The following COX7A2L variants were observed in gnomAD, a reference collection of about 807,000 sequenced individuals.
The protein encoded by COX7A2L is cytochrome c oxidase subunit 7A2-like, mitochondrial.
A neutral mutation model predicts 14.2 loss-of-function variants in COX7A2L; 18 were observed. That is an observed-to-expected ratio of 1.27 (90% CI 0.88 to 1.88). The LOEUF (loss-of-function observed/expected upper bound fraction) is 1.88, where lower values mean the gene tolerates loss of function less well. COX7A2L is among the 40% of genes most tolerant of loss of function. The pLI is 0.00. For synonymous variants in COX7A2L, 65 were observed against 57.4 expected, an observed-to-expected ratio of 1.13 and a Z score of -0.60; for missense variants, 179 against 138.8, an observed-to-expected ratio of 1.29 and a Z score of -1.46.
chr2:42,350,555 T>C lies in COX7A2L; in HGVS notation c.*664A>G, dbSNP rs1388967910. The C allele has an allele frequency of 2.6e-5, 4 of 152,138 alleles. No individual in the cohort carries two copies. The highest frequency in any genetic ancestry group is 2.1e-4 in the South Asian group (1 of 4,832). The allele number at this position is 152,138 out of a possible 1,614,324, so 9.4% of individuals were successfully genotyped here. On this transcript the variant is annotated 3_prime_UTR_variant, in exon 3 of 3. Transcript: ENST00000234301. ...CAAAATAAATCAAAATTTAAAGCTA[T>C]AACATTTTTAAAAGATAAAGGAGAA...
chr2:42,353,472 C>T, intron 1 of COX7A2L, 129 bp from the exon 2 acceptor site: 3 of 1,235,286 alleles, frequency 2.4e-6, no homozygotes, highest in South Asian at 1.4e-5. Flanking sequence ...CAAACCCTGT[C>T]AAGAACCCCT....
chr2:42,354,576 C>A (rs1210352191), intron 1 of COX7A2L, among the ~76,000 whole-genome samples: 1 of 152,126 alleles, frequency 6.6e-6, no homozygotes, highest in Non-Finnish European at 1.5e-5. Context: ...ATTGACAGGG[C>A]ATATTATAAA....
At chr2:42,347,790 G>A (rs149958214), downstream of COX7A2L, among the ~76,000 whole-genome samples, 1,048 of 152,256 alleles carry the variant, frequency 6.9e-3, 10 homozygotes, top group Non-Finnish European at 1.0e-2. Context: ...GTATGGTGGC[G>A]CATGCCAGTA....
upstream of COX7A2L, chr2:42,361,440 A>C: frequency 2.8e-6 from 1 of 356,050 alleles, no homozygotes; most frequent in East Asian, 6.3e-5. Flanking sequence ...TCTTTCCCCC[A>C]TTCAGATTTG....
Position 42,351,319 on chromosome 2 carries a change from G to C in COX7A2L, c.245C>G (p.Pro82Arg), listed in dbSNP as rs1670638130. ...GVPVYLKRGLPDQMLYRTTMA... is the reference protein window; with the variant it reads ...GVPVYLKRGLRDQMLYRTTMA... ...GGTGGTCCGGTAAAGCATTTGGTCA[G>C]GCAGGCCTCGTTTCAGGTAGACGGG... Residue 82 changes from proline (P) to arginine (R), a missense_variant, in exon 3 of 3, where the codon CCT (proline) becomes CGT (arginine). Coordinates refer to ENST00000234301, the MANE Select transcript of COX7A2L (RefSeq NM_004718.4). 6 of 1,614,128 alleles carry C rather than the reference G, an allele frequency of 3.7e-6. No homozygotes were observed. Among genetic ancestry groups the C allele is most frequent in the Non-Finnish European group, 5.1e-6 (6 of 1,180,028 alleles).
chr2:42,362,537 G>T (rs1645775500), upstream of COX7A2L, among the ~76,000 whole-genome samples: 1 of 152,190 alleles, frequency 6.6e-6, no homozygotes, highest in Non-Finnish European at 1.5e-5. Context: ...GGGATAAGTG[G>T]CAGAGCTAGG....
chr2:42,350,177 C>T lies in COX7A2L; in HGVS notation c.*1042G>A, dbSNP rs1283103084. 3 of 152,076 alleles carry T rather than the reference C, an allele frequency of 2.0e-5. No individual in the cohort carries two copies. The highest frequency in any genetic ancestry group is 7.2e-5 in the African/African-American group (3 of 41,396). The allele number at this position is 152,076 out of a possible 1,614,324, so 9.4% of individuals were successfully genotyped here. A position where few individuals can be genotyped will look rare whatever the true frequency, so the allele number is the denominator to read the frequency against. ...GTGCTATGGTAAGATACAAACTATTCCTTCATATATAATAAAATTCCACCT... is the reference window on the plus strand; with the variant it reads ...GTGCTATGGTAAGATACAAACTATTTCTTCATATATAATAAAATTCCACCT... On this transcript the variant is annotated 3_prime_UTR_variant, in exon 3 of 3. Coordinates refer to ENST00000234301, the MANE Select transcript of COX7A2L (RefSeq NM_004718.4).
At chr2:42,357,421 G>A (rs1023067711) in intron 1 of COX7A2L, among the ~76,000 whole-genome samples, 4 of 152,044 alleles carry the variant, frequency 2.6e-5, no homozygotes, top group Admixed American at 1.3e-4. Context: ...TGATCCTTCC[G>A]CGTCAGCCTC....
intron 1 of COX7A2L, among the ~76,000 whole-genome samples, chr2:42,353,873 A>T (rs1670730418): frequency 6.6e-6 from 1 of 152,254 alleles, no homozygotes; most frequent in South Asian, 2.1e-4. Context: ...AAATAAACAC[A>T]TAAATTGAAA....
downstream of COX7A2L, among the ~76,000 whole-genome samples, chr2:42,349,014 T>C (rs971052094): frequency 1.3e-5 from 2 of 152,068 alleles, no homozygotes; most frequent in Non-Finnish European, 2.9e-5. Context: ...CATGTGCTGG[T>C]GAGAATGTTA....
chr2:42,353,097 C>T, intron 2 of COX7A2L, 115 bp downstream of exon 2: 1 of 1,285,498 alleles, frequency 7.8e-7, no homozygotes, highest in Non-Finnish European at 1.1e-6. Context: ...GAGAATACTA[C>T]TTAAAGAAAA....
chr2:42,355,889 C>G (rs973901225), intron 1 of COX7A2L, among the ~76,000 whole-genome samples: 3 of 151,964 alleles, frequency 2.0e-5, no homozygotes, highest in African/African-American at 7.3e-5. Context: ...CCACGCCCAG[C>G]TAATTTTTGT....
downstream of COX7A2L, among the ~76,000 whole-genome samples, chr2:42,347,820 C>G (rs1223204313): frequency 6.6e-6 from 1 of 152,168 alleles, no homozygotes; most frequent in Non-Finnish European, 1.5e-5. Flanking sequence ...ACTCGGGAGG[C>G]TGAGGCAGGA....
chr2:42,354,889 T>C (rs1264927667), intron 1 of COX7A2L, among the ~76,000 whole-genome samples: 2 of 152,266 alleles, frequency 1.3e-5, no homozygotes, highest in Admixed American at 6.5e-5. Context: ...GTCAGTATCA[T>C]GTCAAACATT....
In COX7A2L at chr2:42,354,011, C is replaced by T. The variant is rs372403842; in HGVS notation, c.73-668G>A. ...GTCCCAAAGACCACATACTGTATGA[C>T]GCCATTCACAGCAAAGTCAGAAGAG... On this transcript the variant is annotated intron_variant, in intron 1 of 2. Transcript: ENST00000234301. Among the ~76,000 whole-genome samples, 11 of 152,200 alleles carry T rather than the reference C, an allele frequency of 7.2e-5. No homozygotes were observed. In the South Asian group the frequency reaches 2.3e-3, roughly 32 times the overall value.
At chr2:42,340,740 CCT>C (rs891184457) in intron 2 of COX7A2L, among the ~76,000 whole-genome samples, 4 of 152,194 alleles carry the variant, frequency 2.6e-5, no homozygotes, top group Non-Finnish European at 5.9e-5. Flanking sequence ...TGCCATTCCT[CCT>C]CTCACCTTCC....
chr2:42,340,451 C>G (rs1047432436), intron 2 of COX7A2L, among the ~76,000 whole-genome samples: 3 of 152,150 alleles, frequency 2.0e-5, no homozygotes, highest in Admixed American at 6.5e-5. Context: ...AGAAGCAAAC[C>G]AAAACAAAAA....
intron 2 of COX7A2L, among the ~76,000 whole-genome samples, chr2:42,336,691 C>T (rs1242767013): frequency 2.0e-5 from 3 of 152,166 alleles, no homozygotes; most frequent in Admixed American, 6.5e-5. Context: ...GAGCCGTCAC[C>T]GTAGAGCTCT....
At chr2:42,360,802 C>A in intron 1 of COX7A2L, 1 of 446,476 alleles carries the variant, frequency 2.2e-6, no homozygotes. Context: ...TGGGGACCCC[C>A]ACAAACCATC....
Sources: gnomAD v4.1 joint callset for allele counts (sites outside exome capture counted in the v4.1 genomes callset) on GRCh38, gnomAD v4.1.1 for gene constraint, MANE v1.5 for transcripts, NCBI Gene and HGNC (gene_info 2026-07-23, HGNC 2026-07-21) for gene names.